IL1RAPL1: variants seen among roughly 807,000 people sequenced by gnomAD.
The protein encoded by IL1RAPL1 is interleukin-1 receptor accessory protein-like 1.
Under a neutral mutation model 48.4 loss-of-function variants are expected in IL1RAPL1, and 3 were observed. That is an observed-to-expected ratio of 0.06 (90% confidence interval 0.03 to 0.16). The LOEUF (loss-of-function observed/expected upper bound fraction) is 0.16. Among genes scored for constraint, IL1RAPL1 ranks in the 10% least tolerant of loss-of-function variants. The pLI is 1.00. For missense variants in IL1RAPL1, 349 were observed against 530.6 expected, an observed-to-expected ratio of 0.66 and a Z score of 3.36; for synonymous variants, 185 against 187.7, an observed-to-expected ratio of 0.99 and a Z score of 0.12.
chrX:29,002,287 G>C (rs1231146800), intron 2 of IL1RAPL1, among the ~76,000 whole-genome samples: 2 of 110,957 alleles, frequency 1.8e-5, no homozygotes, highest in African/African-American at 6.6e-5. Flanking sequence ...AAAGAAGTTA[G>C]ACCCAAAGGA....
chrX:29,754,326 T>G (rs753593100), intron 6 of IL1RAPL1, among the ~76,000 whole-genome samples: 2 of 111,427 alleles, frequency 1.8e-5, no homozygotes, highest in South Asian at 7.6e-4. Context: ...GTAGCAAAAT[T>G]CCTGGGAGTT....
At chrX:29,627,921 G>C (rs1924662643) in intron 5 of IL1RAPL1, among the ~76,000 whole-genome samples, 2 of 112,174 alleles carry the variant, frequency 1.8e-5, no homozygotes, top group South Asian at 3.7e-4. Flanking sequence ...GCATAGAAGA[G>C]AGAAAAATTC....
intron 5 of IL1RAPL1, among the ~76,000 whole-genome samples, chrX:29,515,341 A>G (rs1935434967): frequency 8.9e-6 from 1 of 112,338 alleles, no homozygotes; most frequent in Non-Finnish European, 1.9e-5. Context: ...GACATAGTCA[A>G]GATAGAAAAC....
At chrX:29,486,786 C>T (rs2147750676) in intron 5 of IL1RAPL1, among the ~76,000 whole-genome samples, 1 of 110,753 alleles carries the variant, frequency 9.0e-6, no homozygotes, top group East Asian at 2.8e-4. Flanking sequence ...TAATGAGATA[C>T]ACTGGGGACA....
intron 2 of IL1RAPL1, among the ~76,000 whole-genome samples, chrX:29,239,262 A>G (rs754586325): frequency 3.6e-5 from 4 of 112,389 alleles, no homozygotes; most frequent in African/African-American, 1.3e-4. Flanking sequence ...TGTTGCAAAA[A>G]GTGCAATACA....
chrX:28,677,175 C>A (rs1935008222), intron 1 of IL1RAPL1, among the ~76,000 whole-genome samples: 1 of 109,871 alleles, frequency 9.1e-6, no homozygotes, highest in African/African-American at 3.4e-5. Context: ...CCAAAATAGA[C>A]AGTTTTATTG....
chrX:29,943,896 C>G (rs1675322409), intron 9 of IL1RAPL1, among the ~76,000 whole-genome samples: 1 of 112,049 alleles, frequency 8.9e-6, no homozygotes, highest in Non-Finnish European at 1.9e-5. Context: ...CATTGCTGTT[C>G]TGAAGCTGCT....
At position 29,254,917 on chromosome X, in the gene IL1RAPL1, T is replaced by C. The variant is rs772148028; in HGVS notation, c.83-28021T>C. Among the ~76,000 whole-genome samples the C allele has an allele frequency of 6.2e-5, 7 of 112,303 alleles. No homozygotes were observed. In the Admixed American group the frequency reaches 6.6e-4, roughly 11 times the overall value. On this transcript the variant is annotated intron_variant, in intron 2 of 10. Transcript: ENST00000378993. The stretch of plus-strand genomic sequence containing the variant: ...TTCATTTTTATCCTCTTATGGAGAA[T>C]AATAATAAAAGTAGTCACATTTTTA...
chrX:29,357,558 GC>G (rs372245093), intron 3 of IL1RAPL1, among the ~76,000 whole-genome samples: 222 of 111,928 alleles, frequency 2.0e-3, no homozygotes, highest in Middle Eastern at 4.6e-3. Flanking sequence ...CAAATAAACA[GC>G]CCCGTAATAG....
chrX:28,663,117 A>T (rs757688927), intron 1 of IL1RAPL1, among the ~76,000 whole-genome samples: 3 of 112,224 alleles, frequency 2.7e-5, no homozygotes, highest in Non-Finnish European at 3.8e-5. Flanking sequence ...GCAAATTCCA[A>T]TTGAAAGGGA....
At chrX:29,048,901 TC>T (rs1420145838) in intron 2 of IL1RAPL1, among the ~76,000 whole-genome samples, 1 of 112,480 alleles carries the variant, frequency 8.9e-6, no homozygotes, top group East Asian at 2.8e-4. Flanking sequence ...ATAAGTTATA[TC>T]TTGATTTCAG....
At chrX:29,115,626 T>C (rs1464939723) in intron 2 of IL1RAPL1, among the ~76,000 whole-genome samples, 1 of 110,582 alleles carries the variant, frequency 9.0e-6, no homozygotes, top group Non-Finnish European at 1.9e-5. Flanking sequence ...TATGTCTCTC[T>C]CTCCCTTATA....
chrX:28,902,347 A>T (rs2625019), intron 2 of IL1RAPL1, among the ~76,000 whole-genome samples: 45,167 of 108,820 alleles, frequency 0.42, 6,890 homozygotes, highest in Middle Eastern at 0.58. Context: ...CCTCCATTTT[A>T]TCACATCATG....
intron 1 of IL1RAPL1, among the ~76,000 whole-genome samples, chrX:28,701,871 T>G (rs1346680082): frequency 9.0e-6 from 1 of 111,702 alleles, no homozygotes; most frequent in Non-Finnish European, 1.9e-5. Context: ...AAAGAAAATC[T>G]AATGATTTAC....
At chrX:28,881,280 G>A (rs1922496034) in intron 2 of IL1RAPL1, among the ~76,000 whole-genome samples, 1 of 112,331 alleles carries the variant, frequency 8.9e-6, no homozygotes, top group Admixed American at 9.5e-5. Flanking sequence ...GGAAATGTTG[G>A]GAATTTGGTT....
intron 2 of IL1RAPL1, among the ~76,000 whole-genome samples, chrX:29,090,175 C>T (rs937061453): frequency 1.8e-5 from 2 of 110,845 alleles, no homozygotes; most frequent in Non-Finnish European, 3.8e-5. Flanking sequence ...ATAATAACTC[C>T]TATTTATCAG....
chrX:28,609,536 ATT>A (rs753210544), intron 1 of IL1RAPL1, among the ~76,000 whole-genome samples: 5 of 95,088 alleles, frequency 5.3e-5, no homozygotes, highest in Admixed American at 1.2e-4. Flanking sequence ...CCTGGCAGGC[ATT>A]TTTTTTTTTT....
At chrX:29,499,209 T>C (rs1602265356) in intron 5 of IL1RAPL1, among the ~76,000 whole-genome samples, 1 of 111,883 alleles carries the variant, frequency 8.9e-6, no homozygotes, top group African/African-American at 3.2e-5. Context: ...TGAATATTGT[T>C]TGAGTGTTGG....
intron 6 of IL1RAPL1, among the ~76,000 whole-genome samples, chrX:29,892,106 G>A (rs750832083): frequency 8.9e-6 from 1 of 112,203 alleles, no homozygotes; most frequent in South Asian, 3.7e-4. Context: ...CCGCTCAAAT[G>A]AAGTTTTAAC....
Sources: allele counts gnomAD v4.1 joint callset (sites outside exome capture counted in the v4.1 genomes callset), GRCh38; gene constraint gnomAD v4.1.1; transcripts MANE v1.5; gene names NCBI Gene and HGNC (gene_info 2026-07-23, HGNC 2026-07-21).